The following C8orf34 variants were observed in gnomAD, a reference collection of about 807,000 sequenced individuals.
C8orf34 encodes the protein chromosome 8 open reading frame 34, also known as uncharacterized protein C8orf34.
C8orf34 carries 65 observed loss-of-function variants against 68.3 expected under a neutral mutation model. The observed-to-expected ratio is 0.95, with a 90% CI of 0.78 to 1.17. C8orf34 has a LOEUF of 1.17. Among genes scored for constraint, C8orf34 ranks in the 50% most tolerant of loss-of-function variants. The pLI is 0.00. For missense variants in C8orf34, 664 were observed against 655.4 expected (o/e 1.01, Z -0.14); for synonymous variants, 244 against 241.2 (o/e 1.01, Z -0.11).
intron 1 of C8orf34, among the ~76,000 whole-genome samples, chr8:68,384,397 G>A (rs1413521670): frequency 6.6e-6 from 1 of 152,198 alleles, no homozygotes; most frequent in Non-Finnish European, 1.5e-5. Flanking sequence ...TGGAATGCAG[G>A]GCAGTCTGTT....
intron 6 of C8orf34, among the ~76,000 whole-genome samples, 186 bp downstream of exon 6, chr8:68,522,157 G>C (rs1814784324): frequency 6.6e-6 from 1 of 152,130 alleles, no homozygotes. Context: ...GACCTGCTTT[G>C]GAGTTTTGGT....
chr8:68,505,700 C>T (rs978097886), intron 5 of C8orf34, among the ~76,000 whole-genome samples: 7 of 92,392 alleles, frequency 7.6e-5, no homozygotes, highest in East Asian at 5.7e-4. Context: ...CACTGCAGTC[C>T]GCAGTCCGGC....
At chr8:68,806,499 C>A (rs947695345) in intron 12 of C8orf34, among the ~76,000 whole-genome samples, 1 of 152,066 alleles carries the variant, frequency 6.6e-6, no homozygotes. Flanking sequence ...AAAATGATAT[C>A]TGTCATTTTA....
At chr8:68,479,298 T>C (rs539861242) in intron 4 of C8orf34, among the ~76,000 whole-genome samples, 2 of 151,994 alleles carry the variant, frequency 1.3e-5, no homozygotes, top group African/African-American at 2.4e-5. Flanking sequence ...GAAGAGAAGA[T>C]GTGAAAAGGG....
chr8:68,470,329 T>A lies in C8orf34; in HGVS notation c.736+1509T>A, dbSNP rs115764617. On this transcript the variant is annotated intron_variant, in intron 4 of 13. Transcript: ENST00000518698. Reference sequence around the variant, plus strand: ...AAAAGAAGGATGATTGAAGAATGTGTCTGATCATTGTAAAGATTTTCAAAT... The same window carrying A: ...AAAAGAAGGATGATTGAAGAATGTGACTGATCATTGTAAAGATTTTCAAAT... Among the ~76,000 whole-genome samples, 561 of 152,236 alleles carry A rather than the reference T, an allele frequency of 3.7e-3. 3 individuals are homozygous for A. The highest frequency in any genetic ancestry group is 0.013 in the African/African-American group (523 of 41,552).
At chr8:68,595,144 T>G (rs1563550830) in intron 7 of C8orf34, among the ~76,000 whole-genome samples, 1 of 151,602 alleles carries the variant, frequency 6.6e-6, no homozygotes, top group Non-Finnish European at 1.5e-5. Flanking sequence ...AAAATTTTTT[T>G]TTTTACAATA....
chr8:68,422,142 C>G (rs1163695520), intron 1 of C8orf34, among the ~76,000 whole-genome samples: 1 of 152,178 alleles, frequency 6.6e-6, no homozygotes, highest in Admixed American at 6.5e-5. Flanking sequence ...AATCTCATGT[C>G]CTCACATTTC....
chr8:68,360,752 C>CTTTTTT (rs1319672272), intron 1 of C8orf34, among the ~76,000 whole-genome samples: 1 of 144,188 alleles, frequency 6.9e-6, no homozygotes, highest in African/African-American at 2.7e-5. Flanking sequence ...CCTTTTCTTC[C>CTTTTTT]TTTCTTTTTT....
chr8:68,786,718 T>A (rs1823856788), intron 11 of C8orf34, among the ~76,000 whole-genome samples: 1 of 152,256 alleles, frequency 6.6e-6, no homozygotes, highest in South Asian at 2.1e-4. Context: ...TGCAGGGCTT[T>A]GAGTTTAAAT....
At chr8:68,395,183 T>C (rs527907499) in intron 1 of C8orf34, among the ~76,000 whole-genome samples, 33 of 152,088 alleles carry the variant, frequency 2.2e-4, no homozygotes, top group African/African-American at 7.2e-4. Flanking sequence ...AACTTTGACA[T>C]GCCTAGGGAT....
intron 4 of C8orf34, among the ~76,000 whole-genome samples, chr8:68,487,663 G>T (rs1451997468): frequency 6.6e-6 from 1 of 152,078 alleles, no homozygotes; most frequent in Non-Finnish European, 1.5e-5. Flanking sequence ...TCTTAACAAG[G>T]AGCAAAATAG....
intron 1 of C8orf34, among the ~76,000 whole-genome samples, chr8:68,387,678 GA>G (rs886700554): frequency 5.3e-5 from 8 of 151,778 alleles, no homozygotes; most frequent in Admixed American, 4.6e-4. Flanking sequence ...CTGAAAAAAA[GA>G]AAAAAACCTC....
At chr8:68,699,345 C>T (rs180717266) in intron 8 of C8orf34, among the ~76,000 whole-genome samples, 11 of 152,074 alleles carry the variant, frequency 7.2e-5, no homozygotes, top group African/African-American at 2.2e-4. Context: ...TTGTTCTGAA[C>T]GAAGTGTGCT....
chr8:68,618,497 A>G (rs1023492839), intron 7 of C8orf34, among the ~76,000 whole-genome samples: 17 of 151,940 alleles, frequency 1.1e-4, no homozygotes, highest in South Asian at 2.1e-4. Context: ...CCACAGATGC[A>G]CAACACAACG....
chr8:68,595,937 T>C (rs1214207571), intron 7 of C8orf34, among the ~76,000 whole-genome samples: 1 of 152,114 alleles, frequency 6.6e-6, no homozygotes, highest in African/African-American at 2.4e-5. Flanking sequence ...TATCTTCAAG[T>C]GGTCTTTTTT....
chr8:68,597,977 A>T (rs1817595451), intron 7 of C8orf34, among the ~76,000 whole-genome samples: 1 of 152,190 alleles, frequency 6.6e-6, no homozygotes, highest in Non-Finnish European at 1.5e-5. Flanking sequence ...ACATTCAAGA[A>T]CATTAATATT....
At chr8:68,589,071 C>T (rs1414348743) in intron 7 of C8orf34, among the ~76,000 whole-genome samples, 1 of 152,104 alleles carries the variant, frequency 6.6e-6, no homozygotes, top group Non-Finnish European at 1.5e-5. Flanking sequence ...GGCTAATTCC[C>T]AAGGCTATGA....
chr8:68,331,280 C>T lies in C8orf34; in HGVS notation c.268C>T (p.His90Tyr). 6.5e-7 allele frequency: 1 copy of T among 1,536,474 alleles called. No individual in the cohort carries two copies. Among genetic ancestry groups the T allele is most frequent in the Non-Finnish European group, 8.7e-7 (1 of 1,146,982 alleles). Residue 90 changes from histidine (H) to tyrosine (Y), a missense_variant, in exon 1 of 14, where the codon CAT (histidine) becomes TAT (tyrosine). By Grantham distance (83) the His-to-Tyr change is moderately conservative. Coordinates refer to ENST00000518698, the MANE Select transcript of C8orf34 (RefSeq NM_052958.4). Reference sequence around the variant, plus strand: ...GTCCCATCTGTTCCCCATGGCGTCTCATCCGCAAACCCGGATCCAGGCTTA... The same window carrying T: ...GTCCCATCTGTTCCCCATGGCGTCTTATCCGCAAACCCGGATCCAGGCTTA... ...SRSHLFPMAS[H>Y]PQTRIQAYLE...
chr8:68,617,690 C>T (rs927856314), intron 7 of C8orf34, among the ~76,000 whole-genome samples: 9 of 152,232 alleles, frequency 5.9e-5, no homozygotes, highest in South Asian at 2.1e-4. Context: ...GTGGGTAACC[C>T]GACCTTTCTC....
Sources: gnomAD v4.1 joint callset for allele counts (sites outside exome capture counted in the v4.1 genomes callset) on GRCh38, gnomAD v4.1.1 for gene constraint, MANE v1.5 for transcripts, NCBI Gene and HGNC (gene_info 2026-07-23, HGNC 2026-07-21) for gene names.